Variants in ABCC3 observed in about 807,000 individuals in gnomAD.
ABCC3 encodes ATP binding cassette subfamily C member 3.
Under a neutral mutation model 165.3 loss-of-function variants are expected in ABCC3, and 121 were observed. The ratio of observed to expected loss-of-function variants is 0.73; its 90% CI spans 0.63 to 0.85. ABCC3 has a LOEUF of 0.85. Ranked by LOEUF, ABCC3 falls within the 40% of genes least tolerant of loss-of-function variation. The pLI, the probability that ABCC3 is intolerant of heterozygous loss-of-function variation, is 0.00. For synonymous variants in ABCC3, 733 were observed against 810.1 expected (o/e 0.90, Z 1.62); for missense variants, 1,869 against 1,964.1 (o/e 0.95, Z 0.92).
chr17:50,635,812 G>A (rs553511489), intron 1 of ABCC3: 2 of 569,490 alleles, frequency 3.5e-6, no homozygotes, highest in Admixed American at 6.0e-5. Context: ...CAGCCCAGGA[G>A]TTTTAGATTA....
intron 1 of ABCC3, among the ~76,000 whole-genome samples, chr17:50,648,569 G>A (rs1012942292): frequency 9.2e-5 from 14 of 152,156 alleles, no homozygotes; most frequent in African/African-American, 2.9e-4. Flanking sequence ...GTTGTTGGGG[G>A]AGTCTTCCCT....
At chr17:50,668,341 C>T in intron 13 of ABCC3, 89 bp from the exon 14 acceptor site, 1 of 1,184,900 alleles carries the variant, frequency 8.4e-7, no homozygotes, top group Non-Finnish European at 1.2e-6. Flanking sequence ...GGGGGTCCTG[C>T]CTAGCCCAGG....
intron 2 of ABCC3, 73 bp downstream of exon 2, chr17:50,656,081 A>T (rs564525598): frequency 5.5e-5 from 64 of 1,155,690 alleles, no homozygotes; most frequent in South Asian, 2.4e-4. Flanking sequence ...TAATTTAATT[A>T]AATTAATTAA....
At chr17:50,661,246 T>A (rs1425844102) in intron 8 of ABCC3, 132 bp downstream of exon 8, 1 of 974,792 alleles carries the variant, frequency 1.0e-6, no homozygotes. Context: ...CCACTTTCTG[T>A]GTGACCTTTG....
At chr17:50,673,984 C>CTTTCCTTCCTTCCT (rs1567835582) in intron 19 of ABCC3, among the ~76,000 whole-genome samples, 1 of 11,548 alleles carries the variant, frequency 8.7e-5, no homozygotes, top group African/African-American at 5.6e-4. Context: ...TTCTTTCTCT[C>CTTTCCTTCCTTCCT]TCTCTCTCTC....
chr17:50,673,416 C>A, intron 18 of ABCC3, 53 bp from the exon 19 acceptor site: 1 of 1,587,878 alleles, frequency 6.3e-7, no homozygotes, highest in Non-Finnish European at 8.6e-7. Context: ...CGTGCCTGTG[C>A]CAGGGGTGTG....
chr17:50,635,145 G>A, intron 1 of ABCC3, 164 bp downstream of exon 1: 1 of 762,930 alleles, frequency 1.3e-6, no homozygotes, highest in Non-Finnish European at 1.9e-6. Flanking sequence ...AGGGAGGTTG[G>A]CTGCGCCGCC....
chr17:50,691,210 C>T lies in ABCC3; in HGVS notation c.*10C>T. 6.3e-7 allele frequency: 1 copy of T among 1,597,146 alleles called. No individual in the cohort carries two copies. Among genetic ancestry groups the T allele is most frequent in the South Asian group, 1.1e-5 (1 of 90,676 alleles). ...TGCTGGACTTGCCTAAAATATATTC[C>T]TGAGATTTCCTCCTGGCCTTTCCTG... is the stretch of plus-strand genomic sequence containing the variant. On this transcript the variant is annotated 3_prime_UTR_variant, in exon 31 of 31. Transcript: ENST00000285238.
intron 11 of ABCC3, among the ~76,000 whole-genome samples, chr17:50,666,716 C>T (rs886492): frequency 0.025 from 3,805 of 152,294 alleles, 184 homozygotes; most frequent in East Asian, 0.2. Flanking sequence ...AAATTCTACA[C>T]GTAGCCCATG....
chr17:50,656,159 C>G (rs1480714411), intron 2 of ABCC3, 151 bp downstream of exon 2: 3 of 586,198 alleles, frequency 5.1e-6, no homozygotes, highest in Non-Finnish European at 7.3e-6. Context: ...GATCTTGGCT[C>G]ACTGCAACCT....
At chr17:50,644,908 A>G (rs1966970752) in intron 1 of ABCC3, among the ~76,000 whole-genome samples, 1 of 151,646 alleles carries the variant, frequency 6.6e-6, no homozygotes, top group South Asian at 2.1e-4. Flanking sequence ...GTCTCAGCCA[A>G]TCAGGAGGCT....
At chr17:50,657,816 G>A (rs146777403) in intron 4 of ABCC3, among the ~76,000 whole-genome samples, 3 of 152,250 alleles carry the variant, frequency 2.0e-5, no homozygotes, top group Admixed American at 6.5e-5. Flanking sequence ...TGTCCTGCCT[G>A]TAGGCTGATG....
At chr17:50,687,854 G>A (rs2146647812) in intron 30 of ABCC3, 124 bp downstream of exon 30, 2 of 1,052,936 alleles carry the variant, frequency 1.9e-6, no homozygotes, top group East Asian at 5.0e-5. Context: ...GGCATGGCAG[G>A]CAGAGCAGAG....
At chr17:50,688,277 C>G (rs935659434) in intron 30 of ABCC3, 1 of 153,020 alleles carries the variant, frequency 6.5e-6, no homozygotes. Flanking sequence ...TCTTTGTGCA[C>G]AGGCCACTTG....
At chr17:50,635,474 A>G (rs1298959423) in intron 1 of ABCC3, 1 of 702,590 alleles carries the variant, frequency 1.4e-6, no homozygotes, top group South Asian at 1.5e-5. Context: ...CCGGCTGTGC[A>G]GTGTCCCACC....
chr17:50,673,019 G>C lies in ABCC3; in HGVS notation c.2290G>C (p.Ala764Pro). The C allele has an allele frequency of 6.2e-7, 1 of 1,614,152 alleles. No individual in the cohort carries two copies. The highest frequency in any genetic ancestry group is 8.5e-7 in the Non-Finnish European group (1 of 1,180,038). The part of the protein sequence containing the change: ...GQRQRVSLAR[A>P]VYSDADIFLL... ...GCGGCAGCGGGTCAGTCTGGCTCGA[G>C]CTGTTTACAGTGATGCCGATATTTT... is the stretch of plus-strand genomic sequence containing the variant. The change falls in exon 18 of 31, where the codon GCT (alanine) becomes CCT (proline). Residue 764 changes from alanine (A) to proline (P), a missense_variant. Transcript: ENST00000285238.
chr17:50,659,488 T>C (rs577102188), intron 7 of ABCC3, 120 bp downstream of exon 7: 1 of 1,261,272 alleles, frequency 7.9e-7, no homozygotes, highest in East Asian at 2.5e-5. Flanking sequence ...CAGGACCAGG[T>C]GATTTCTTGG....
Position 50,676,320 on chromosome 17 carries a change from G to C in ABCC3, c.3110G>C (p.Gly1037Ala). ...GCAGCCATGGCCATGGCAGCGGGTG[G>C]CATCCAGGCTGCCCGTGTGTTGCAC... ...MLAAMAMAAGGIQAARVLHQA... is the reference protein window; with the variant it reads ...MLAAMAMAAGAIQAARVLHQA... Residue 1037 changes from glycine (G) to alanine (A), a missense_variant, in exon 23 of 31, where the codon GGC (glycine) becomes GCC (alanine). Physicochemically the swap from Gly to Ala is moderately conservative, Grantham distance 60 (BLOSUM62 0). Transcript: ENST00000285238. The C allele has an allele frequency of 6.2e-7, 1 of 1,613,996 alleles. No individual in the cohort carries two copies. The highest frequency in any genetic ancestry group is 8.5e-7 in the Non-Finnish European group (1 of 1,179,944).
intron 26 of ABCC3, among the ~76,000 whole-genome samples, chr17:50,682,226 A>G (rs1475304450): frequency 2.0e-5 from 3 of 151,742 alleles, no homozygotes; most frequent in African/African-American, 7.3e-5. Context: ...ATTCTTCAAC[A>G]AGAAGCCTCA....
Sources: gnomAD v4.1 joint callset for allele counts (sites outside exome capture counted in the v4.1 genomes callset) on GRCh38, gnomAD v4.1.1 for gene constraint, MANE v1.5 for transcripts, NCBI Gene and HGNC (gene_info 2026-07-23, HGNC 2026-07-21) for gene names.